Variants in TRABD2A observed in about 807,000 individuals in gnomAD.
TRABD2A encodes metalloprotease TIKI1.
TRABD2A carries 43 observed loss-of-function variants against 45.6 expected under a neutral mutation model. The ratio of observed to expected loss-of-function variants is 0.94; its 90% CI spans 0.74 to 1.22. The LOEUF (loss-of-function observed/expected upper bound fraction) is 1.22. Among genes scored for constraint, TRABD2A ranks in the 50% most tolerant of loss-of-function variants. The pLI is 0.00. For missense variants in TRABD2A, 642 were observed against 652.4 expected, an observed-to-expected ratio of 0.98 and a Z score of 0.17; for synonymous variants, 269 against 265.0, an observed-to-expected ratio of 1.02 and a Z score of -0.15.
intron 2 of TRABD2A, among the ~76,000 whole-genome samples, chr2:84,858,747 C>T (rs1682398545): frequency 6.6e-6 from 1 of 152,214 alleles, no homozygotes; most frequent in Non-Finnish European, 1.5e-5. Flanking sequence ...AGCTGCACCA[C>T]ACATGGTTCC....
intron 2 of TRABD2A, among the ~76,000 whole-genome samples, chr2:84,869,697 G>T (rs1682805242): frequency 6.6e-6 from 1 of 152,142 alleles, no homozygotes; most frequent in Admixed American, 6.5e-5. Context: ...CACACAGTAT[G>T]GGCCAGGCAC....
intron 1 of TRABD2A, among the ~76,000 whole-genome samples, chr2:84,871,779 C>T (rs944040207): frequency 2.6e-5 from 4 of 152,304 alleles, no homozygotes; most frequent in Admixed American, 6.5e-5. Context: ...GCCATTGCTC[C>T]GGCCACAGAG....
At chr2:84,855,959 T>C (rs1176234947) in intron 2 of TRABD2A, among the ~76,000 whole-genome samples, 3 of 152,156 alleles carry the variant, frequency 2.0e-5, no homozygotes, top group Non-Finnish European at 4.4e-5. Flanking sequence ...GCTCTGCATA[T>C]GAAAGGCACC....
chr2:84,840,199 G>A (rs1681661085), intron 3 of TRABD2A, among the ~76,000 whole-genome samples: 1 of 152,086 alleles, frequency 6.6e-6, no homozygotes, highest in Non-Finnish European at 1.5e-5. Flanking sequence ...CCATCTTATG[G>A]ATAACAGATC....
chr2:84,831,904 T>C (rs1681351129), intron 5 of TRABD2A, 151 bp downstream of exon 5: 1 of 744,612 alleles, frequency 1.3e-6, no homozygotes, highest in African/African-American at 1.7e-5. Flanking sequence ...CCAGCTGAGC[T>C]GGTGCCAAAT....
intron 2 of TRABD2A, among the ~76,000 whole-genome samples, chr2:84,863,276 G>A (rs1277289478): frequency 1.0e-4 from 10 of 98,798 alleles, no homozygotes; most frequent in African/African-American, 4.6e-4. Context: ...ACGGAGTCTC[G>A]CTCTGTCGCC....
At chr2:84,878,040 T>C (rs1385410146) in intron 1 of TRABD2A, among the ~76,000 whole-genome samples, 1 of 152,082 alleles carries the variant, frequency 6.6e-6, no homozygotes, top group Admixed American at 6.5e-5. Flanking sequence ...TATCAGATGG[T>C]GATTAAGTGC....
In TRABD2A at chr2:84,870,676, TTGTCGGGGA is replaced by T. The variant is rs1559098683; in HGVS notation, c.209_217del (p.Ile70_Asp72del). 6.2e-7 allele frequency: 1 copy of T among 1,608,182 alleles called. No homozygotes were observed. Among genetic ancestry groups the T allele is most frequent in the South Asian group, 1.1e-5 (1 of 89,810 alleles). ...GCTCTGCAGGAAAGCCTCCTTAGAG[TTGTCGGGGA>T]TGAAGTCCCAAACTCGGGTGTACGG... On this transcript the variant is annotated inframe_deletion, in exon 2 of 7. Coordinates refer to ENST00000409520, the MANE Select transcript of TRABD2A (RefSeq NM_001277053.2).
intron 4 of TRABD2A, chr2:84,836,960 A>G (rs1404617562): frequency 7.6e-6 from 1 of 130,860 alleles, no homozygotes; most frequent in African/African-American, 2.9e-5. Flanking sequence ...CTTTCCTTTA[A>G]TTCTTTAGAT....
intron 1 of TRABD2A, among the ~76,000 whole-genome samples, chr2:84,880,684 C>T (rs2105419077): frequency 6.6e-6 from 1 of 152,368 alleles, no homozygotes; most frequent in Admixed American, 6.5e-5. Context: ...TCTCGGACGC[C>T]CTTGGGCTGG....
intron 2 of TRABD2A, among the ~76,000 whole-genome samples, chr2:84,868,549 C>A (rs966926598): frequency 4.7e-5 from 7 of 148,252 alleles, no homozygotes; most frequent in African/African-American, 1.6e-4. Context: ...AGTTAATTAA[C>A]TAGTTAACTA....
chr2:84,862,347 G>C (rs572446387), intron 2 of TRABD2A, among the ~76,000 whole-genome samples: 9 of 152,168 alleles, frequency 5.9e-5, no homozygotes, highest in Non-Finnish European at 8.8e-5. Context: ...AAGTCTAGAC[G>C]TGTCATTGGG....
intron 1 of TRABD2A, among the ~76,000 whole-genome samples, chr2:84,876,962 A>T (rs1353239701): frequency 1.3e-5 from 2 of 152,180 alleles, no homozygotes; most frequent in Non-Finnish European, 2.9e-5. Context: ...ATACTGAAAT[A>T]CTTGCCATAT....
At chr2:84,878,297 C>T (rs571967923) in intron 1 of TRABD2A, among the ~76,000 whole-genome samples, 2 of 152,186 alleles carry the variant, frequency 1.3e-5, no homozygotes, top group East Asian at 3.9e-4. Context: ...GAGGCTGAGG[C>T]GGGTGGATCA....
At chr2:84,864,880 A>G (rs914772728) in intron 2 of TRABD2A, among the ~76,000 whole-genome samples, 3 of 152,290 alleles carry the variant, frequency 2.0e-5, no homozygotes, top group Admixed American at 2.0e-4. Context: ...AGTCTTCCTC[A>G]GGCCATCTAG....
intron 1 of TRABD2A, among the ~76,000 whole-genome samples, chr2:84,871,844 A>G (rs932686050): frequency 6.6e-6 from 1 of 152,208 alleles, no homozygotes; most frequent in African/African-American, 2.4e-5. Context: ...GGTTGAAACT[A>G]GGGTCCTAAT....
intron 1 of TRABD2A, among the ~76,000 whole-genome samples, chr2:84,879,963 A>C (rs1210916428): frequency 6.6e-6 from 1 of 151,950 alleles, no homozygotes; most frequent in African/African-American, 2.4e-5. Flanking sequence ...GGGCCTCTAA[A>C]TTCCAGCCCC....
intron 1 of TRABD2A, among the ~76,000 whole-genome samples, chr2:84,871,461 T>C (rs988927766): frequency 1.5e-4 from 22 of 151,400 alleles, no homozygotes; most frequent in Non-Finnish European, 3.1e-4. Flanking sequence ...TCAGAATCTC[T>C]GGAGGTGGAA....
chr2:84,828,685 C>T (rs1028036271), intron 5 of TRABD2A, among the ~76,000 whole-genome samples: 2 of 152,224 alleles, frequency 1.3e-5, no homozygotes, highest in Non-Finnish European at 2.9e-5. Flanking sequence ...GCAGTACCAG[C>T]AATGATATTA....
Sources: gnomAD v4.1 joint callset for allele counts (sites outside exome capture counted in the v4.1 genomes callset) on GRCh38, gnomAD v4.1.1 for gene constraint, MANE v1.5 for transcripts, NCBI Gene and HGNC (gene_info 2026-07-23, HGNC 2026-07-21) for gene names.